Variants in AACS observed in about 807,000 individuals in gnomAD.
AACS encodes acetoacetyl-CoA synthetase, also known as acetoacetate-CoA ligase.
AACS carries 69 observed loss-of-function variants against 83.1 expected under a neutral mutation model. The observed-to-expected ratio is 0.83, with a 90% CI of 0.68 to 1.01. The LOEUF (loss-of-function observed/expected upper bound fraction) is 1.01, where lower values mean the gene tolerates loss of function less well. Ranked by LOEUF, AACS falls within the 50% of genes least tolerant of loss-of-function variation. The probability of loss-of-function intolerance (pLI) is 0.00; values close to 1 mark genes in which losing one functional copy is unlikely to be tolerated. For missense variants in AACS, 866 were observed against 882.2 expected (o/e 0.98, Z 0.23); for synonymous variants, 333 against 343.4 (o/e 0.97, Z 0.33).
chr12:125,082,936 C>T (rs1411762828), intron 3 of AACS, among the ~76,000 whole-genome samples: 1 of 152,216 alleles, frequency 6.6e-6, no homozygotes, highest in South Asian at 2.1e-4. Flanking sequence ...AAAAGAGTAA[C>T]TTCTATACTG....
At chr12:125,077,488 C>T (rs1315744865) in intron 3 of AACS, among the ~76,000 whole-genome samples, 3 of 143,498 alleles carry the variant, frequency 2.1e-5, no homozygotes, top group East Asian at 2.1e-4. Flanking sequence ...CCAGGCTGGG[C>T]GACAGAGTGA....
In AACS at chr12:125,134,007, CTGGGCTCA is replaced by C; in HGVS notation, c.1558_1565del (p.Ala520ArgfsTer19). 6.2e-7 allele frequency: 1 copy of C among 1,614,186 alleles called. No individual in the cohort carries two copies. Among genetic ancestry groups the C allele is most frequent in the Non-Finnish European group, 8.5e-7 (1 of 1,180,022 alleles). ...GCACCTCTGCTGTCTTTGCAGGTAT[CTGGGCTCA>C]TGGCGACTACTGCAGAATCAACCCC... On this transcript the variant is annotated frameshift_variant, in exon 15 of 18. Transcript: ENST00000316519. LOFTEE classifies it high-confidence loss of function.
Position 125,091,446 on chromosome 12 carries a change from C to T in AACS, c.493C>T (p.His165Tyr), listed in dbSNP as rs761068826. ...RVVGYLPNSEHAVEAMLAAAS... is the reference protein window; with the variant it reads ...RVVGYLPNSEYAVEAMLAAAS... The stretch of plus-strand genomic sequence containing the variant: ...CACAGGTTATTTACCCAACAGTGAG[C>T]ACGCTGTCGAGGCGATGCTGGCTGC... Residue 165 changes from histidine to tyrosine, a missense_variant, in exon 5 of 18, where the codon CAC becomes TAC. By Grantham distance (83) the His-to-Tyr change is moderately conservative. Coordinates refer to ENST00000316519, the MANE Select transcript of AACS (RefSeq NM_023928.5). 3.1e-6 allele frequency: 5 copies of T among 1,614,136 alleles called. No homozygotes were observed. Among genetic ancestry groups the T allele is most frequent in the Non-Finnish European group, 4.2e-6 (5 of 1,180,048 alleles).
chr12:125,130,724 G>A lies in AACS; in HGVS notation c.1549+1264G>A, dbSNP rs1957318446. Among the ~76,000 whole-genome samples the A allele has an allele frequency of 6.6e-6, 1 of 152,108 alleles. No homozygotes were observed. Among genetic ancestry groups the A allele is most frequent in the South Asian group, 2.1e-4 (1 of 4,814 alleles). ...GTGTTATATTTCCATTTTTGCCTTGGCTGCCAGGAAACTCAGAGCTGAAAT... is the reference window on the plus strand; with the variant it reads ...GTGTTATATTTCCATTTTTGCCTTGACTGCCAGGAAACTCAGAGCTGAAAT... On this transcript the variant is annotated intron_variant, in intron 14 of 17. Coordinates refer to ENST00000316519, the MANE Select transcript of AACS (RefSeq NM_023928.5). This position sits in a 1 kb window ranked among gnomAD's most constrained non-coding sequence, Gnocchi z 4.9.
At chr12:125,080,110 A>G (rs1956133910) in intron 3 of AACS, among the ~76,000 whole-genome samples, 1 of 152,198 alleles carries the variant, frequency 6.6e-6, no homozygotes, top group Admixed American at 6.5e-5. Context: ...GGCTCCTGTG[A>G]GACTGGCCTG....
Position 125,129,269 on chromosome 12 carries a change from G to A in AACS, c.1424-66G>A. The A allele has an allele frequency of 6.5e-7, 1 of 1,543,546 alleles. No individual in the cohort carries two copies. Among genetic ancestry groups the A allele is most frequent in the Non-Finnish European group, 8.7e-7 (1 of 1,146,614 alleles). On this transcript the variant is annotated intron_variant, in intron 13 of 17. Coordinates refer to ENST00000316519, the MANE Select transcript of AACS (RefSeq NM_023928.5). This position sits in a 1 kb window ranked among gnomAD's most constrained non-coding sequence, Gnocchi z 4.3. Reference sequence around the variant, plus strand: ...ATAATAAGTAATAGCTTAAGAAAGAGAGAGAGACAGCCAGGGTGTGTGGCT... The same window carrying A: ...ATAATAAGTAATAGCTTAAGAAAGAAAGAGAGACAGCCAGGGTGTGTGGCT...
intron 5 of AACS, among the ~76,000 whole-genome samples, chr12:125,098,498 C>G (rs1956659144): frequency 6.6e-6 from 1 of 150,636 alleles, no homozygotes; most frequent in South Asian, 2.1e-4. Flanking sequence ...GTCACCCAGG[C>G]TGGAGTGCAG....
intron 15 of AACS, 67 bp from the exon 16 acceptor site, chr12:125,134,727 G>A (rs1211797135): frequency 2.0e-5 from 31 of 1,578,468 alleles, no homozygotes; most frequent in African/African-American, 5.4e-5. Context: ...CTGCCCTCCC[G>A]TGGGACCCCT....
intron 3 of AACS, among the ~76,000 whole-genome samples, chr12:125,080,867 A>ATT (rs1238207677): frequency 6.6e-6 from 1 of 150,482 alleles, no homozygotes; most frequent in Non-Finnish European, 1.5e-5. Context: ...AATTTTTTGT[A>ATT]TTTTTAGTAG....
intron 13 of AACS, 65 bp downstream of exon 13, chr12:125,128,339 G>T: frequency 1.4e-6 from 2 of 1,427,320 alleles, no homozygotes. Context: ...GGAGCGTTCG[G>T]ATGTGTAACT....
At chr12:125,104,717 T>A (rs1437632374) in intron 7 of AACS, among the ~76,000 whole-genome samples, 1 of 152,226 alleles carries the variant, frequency 6.6e-6, no homozygotes, top group African/African-American at 2.4e-5. Context: ...CAGGTTCAGC[T>A]CTCAGCTGTG....
chr12:125,069,332 A>G (rs1403620326), intron 1 of AACS, among the ~76,000 whole-genome samples: 1 of 152,162 alleles, frequency 6.6e-6, no homozygotes, highest in East Asian at 1.9e-4. Context: ...AGGCAGGGGC[A>G]TTCCCCACTC....
intron 3 of AACS, among the ~76,000 whole-genome samples, chr12:125,083,488 G>A (rs1427360897): frequency 6.6e-6 from 1 of 152,102 alleles, no homozygotes; most frequent in African/African-American, 2.4e-5. Flanking sequence ...TCTGTTAGGC[G>A]AAAATTGGTA....
At chr12:125,095,299 A>G (rs1956583740) in intron 5 of AACS, among the ~76,000 whole-genome samples, 2 of 152,098 alleles carry the variant, frequency 1.3e-5, no homozygotes, top group Admixed American at 1.3e-4. Context: ...AGGACCCCTG[A>G]GTCTTTTCAT....
chr12:125,106,359 G>A (rs1956834271), intron 7 of AACS, among the ~76,000 whole-genome samples: 1 of 152,186 alleles, frequency 6.6e-6, no homozygotes, highest in South Asian at 2.1e-4. Context: ...GTGGTTCTTG[G>A]CCACCTACAA....
chr12:125,067,995 G>C lies in AACS; in HGVS notation c.133+2278G>C, dbSNP rs73421856. Among the ~76,000 whole-genome samples, 536 of 152,344 alleles carry C rather than the reference G, an allele frequency of 3.5e-3. 8 individuals carry two copies. The highest frequency in any genetic ancestry group is 0.012 in the African/African-American group (519 of 41,586). On this transcript the variant is annotated intron_variant, in intron 1 of 17. Transcript: ENST00000316519. ...GTGACAGGAGATGGTCAAGCCCAGT[G>C]CTCAGCTCTGCCCTGGGTCCCTGGG...
At chr12:125,112,932 G>A (rs144219655) in intron 8 of AACS, among the ~76,000 whole-genome samples, 10 of 152,304 alleles carry the variant, frequency 6.6e-5, no homozygotes, top group Admixed American at 1.3e-4. Context: ...AACTGCCCCC[G>A]TGAGTCAATT....
At chr12:125,126,871 C>T (rs932840336) in intron 12 of AACS, 1 of 152,142 alleles carries the variant, frequency 6.6e-6, no homozygotes. Flanking sequence ...GCATGAGCCA[C>T]CGTGCCTGGC....
intron 1 of AACS, among the ~76,000 whole-genome samples, chr12:125,067,096 G>T (rs1332962651): frequency 2.0e-5 from 3 of 152,172 alleles, no homozygotes; most frequent in Admixed American, 2.0e-4. Flanking sequence ...GTTCTCAGTG[G>T]TTCCTTGTTG....
Sources: allele counts gnomAD v4.1 joint callset (sites outside exome capture counted in the v4.1 genomes callset), GRCh38; gene constraint gnomAD v4.1.1; non-coding constraint Gnocchi (gnomAD v3.1); transcripts MANE v1.5; gene names NCBI Gene and HGNC (gene_info 2026-07-23, HGNC 2026-07-21).